Variants in JARID2 observed in about 807,000 individuals in gnomAD.
JARID2 encodes the protein protein Jumonji.
In JARID2, 21 loss-of-function variants were observed where a neutral mutation model predicts 125.6. The ratio of observed to expected loss-of-function variants is 0.17; its 90% CI spans 0.12 to 0.24. The LOEUF is 0.24. JARID2 is among the 10% of genes least tolerant of loss of function. The pLI is 1.00. For missense variants in JARID2, 1,303 were observed against 1,639.6 expected (o/e 0.79, Z 3.55); for synonymous variants, 736 against 661.6 (o/e 1.11, Z -1.73).
chr6:15,423,481 T>G (rs1279344142), intron 3 of JARID2, among the ~76,000 whole-genome samples: 1 of 152,176 alleles, frequency 6.6e-6, no homozygotes, highest in Non-Finnish European at 1.5e-5. Flanking sequence ...TGTGGTTTGT[T>G]GGTGTAACAC....
chr6:15,439,480 G>A (rs1197364963), intron 3 of JARID2, among the ~76,000 whole-genome samples: 2 of 152,200 alleles, frequency 1.3e-5, no homozygotes, highest in African/African-American at 4.8e-5. Context: ...CGATGGATAT[G>A]TGGCTGCAGC....
chr6:15,450,037 TA>T (rs35612778), intron 3 of JARID2, among the ~76,000 whole-genome samples: 61,088 of 151,930 alleles, frequency 0.4, 12,496 homozygotes, highest in South Asian at 0.48. Context: ...TTAAATAGTA[TA>T]ATTTTTTTTT....
chr6:15,320,697 A>G lies in JARID2; in HGVS notation c.46-53420A>G, dbSNP rs78019862. ...GTAGCTAGATTAGATGTTATTCAGAAAGGATAATATAGGAAATAATTACTG... is the reference window on the plus strand; with the variant it reads ...GTAGCTAGATTAGATGTTATTCAGAGAGGATAATATAGGAAATAATTACTG... On this transcript the variant is annotated intron_variant, in intron 1 of 17. Coordinates refer to ENST00000341776, the MANE Select transcript of JARID2 (RefSeq NM_004973.4). 8.6e-3 allele frequency among the ~76,000 whole-genome samples: 1,311 copies of G among 152,328 alleles called. 42 individuals are homozygous for G. Among genetic ancestry groups the G allele is most frequent in the South Asian group, 0.08 (388 of 4,822 alleles).
chr6:15,247,533 C>CTT (rs67284836), intron 1 of JARID2: 50,047 of 720,056 alleles, frequency 0.07, 343 homozygotes, highest in African/African-American at 0.1. Flanking sequence ...TTAAATAACT[C>CTT]TTTTTTTTTT....
chr6:15,300,722 T>TGAGAGAGAGAGAGAGAGAGAGAGA (rs57766040), intron 1 of JARID2, among the ~76,000 whole-genome samples: 7 of 111,118 alleles, frequency 6.3e-5, no homozygotes, highest in Non-Finnish European at 1.1e-4. Flanking sequence ...TGTGTGTGTG[T>TGAGAGAGAGAGAGAGAGAGAGAGA]GAGAGAGAGA....
chr6:15,502,892 G>A (rs1581655314), intron 8 of JARID2, among the ~76,000 whole-genome samples: 1 of 152,334 alleles, frequency 6.6e-6, no homozygotes, highest in Non-Finnish European at 1.5e-5. Flanking sequence ...TTTATTTGGT[G>A]TTTCCTGAAT....
intron 1 of JARID2, among the ~76,000 whole-genome samples, chr6:15,250,835 C>T (rs1759417762): frequency 6.6e-6 from 1 of 152,002 alleles, no homozygotes; most frequent in South Asian, 2.1e-4. Context: ...TTAATATATA[C>T]CGTACTCCAA....
At chr6:15,481,941 T>A (rs1769638688) in intron 5 of JARID2, among the ~76,000 whole-genome samples, 1 of 152,228 alleles carries the variant, frequency 6.6e-6, no homozygotes, top group Non-Finnish European at 1.5e-5. Context: ...CGTTTCCCCT[T>A]TCCTATAATC....
chr6:15,342,125 A>G lies in JARID2; in HGVS notation c.46-31992A>G, dbSNP rs116697941. 4.7e-3 allele frequency among the ~76,000 whole-genome samples: 722 copies of G among 152,278 alleles called. 5 individuals are homozygous for G. The highest frequency in any genetic ancestry group is 0.017 in the African/African-American group (687 of 41,546). On this transcript the variant is annotated intron_variant, in intron 1 of 17. Coordinates refer to ENST00000341776, the MANE Select transcript of JARID2 (RefSeq NM_004973.4). ...AACATCGAGAAACAAAACAGAAACA[A>G]TCCCCGGAGCAGCATTGCACATGCT...
chr6:15,360,594 TCACC>T (rs1295066527), intron 1 of JARID2, among the ~76,000 whole-genome samples: 1 of 152,164 alleles, frequency 6.6e-6, no homozygotes, highest in Non-Finnish European at 1.5e-5. Context: ...AGCGATCTTC[TCACC>T]TCAGCCTCTT....
At chr6:15,479,100 G>A (rs1462367444) in intron 5 of JARID2, among the ~76,000 whole-genome samples, 1 of 152,280 alleles carries the variant, frequency 6.6e-6, no homozygotes, top group Non-Finnish European at 1.5e-5. Flanking sequence ...GATAAAGCAC[G>A]AGAGCCTTGC....
At chr6:15,366,054 G>C (rs375400008) in intron 1 of JARID2, among the ~76,000 whole-genome samples, 1 of 151,996 alleles carries the variant, frequency 6.6e-6, no homozygotes, top group East Asian at 1.9e-4. Context: ...CCCCATTTTT[G>C]TTTACACTTA....
In JARID2 at chr6:15,511,429, C is replaced by T. The variant is rs201644571; in HGVS notation, c.2952+28C>T. 3.7e-5 allele frequency: 56 copies of T among 1,509,662 alleles called. No homozygotes were observed. The Admixed American group carries it at 5.5e-4, about 15-fold the overall frequency. 93.5% of individuals were successfully genotyped at this position (1,509,662 alleles called of 1,614,324 possible). A position where few individuals can be genotyped will look rare whatever the true frequency, so the allele number is the denominator to read the frequency against. ...GCGTCCACTCAGCCACCGCCTCCAGCAGGAGCTGTAGGACCTCCTAGGCAC... is the reference window on the plus strand; with the variant it reads ...GCGTCCACTCAGCCACCGCCTCCAGTAGGAGCTGTAGGACCTCCTAGGCAC... On this transcript the variant is annotated intron_variant, in intron 13 of 17. Transcript: ENST00000341776.
chr6:15,398,724 C>A (rs1018372122), intron 2 of JARID2, among the ~76,000 whole-genome samples: 1 of 152,138 alleles, frequency 6.6e-6, no homozygotes, highest in Admixed American at 6.6e-5. Context: ...CTTTAATTGA[C>A]TAGAATAGGA....
chr6:15,440,819 T>C (rs1767414084), intron 3 of JARID2, among the ~76,000 whole-genome samples: 1 of 152,258 alleles, frequency 6.6e-6, no homozygotes, highest in Non-Finnish European at 1.5e-5. Flanking sequence ...GTTCATTAGC[T>C]ATTAGCAGAT....
intron 7 of JARID2, among the ~76,000 whole-genome samples, chr6:15,500,108 G>A (rs759653467): frequency 5.9e-5 from 9 of 152,130 alleles, no homozygotes; most frequent in Non-Finnish European, 1.3e-4. Flanking sequence ...TTGGCCCGAG[G>A]GAGGTTGCTT....
chr6:15,307,926 T>C (rs1441274110), intron 1 of JARID2, among the ~76,000 whole-genome samples: 2 of 152,222 alleles, frequency 1.3e-5, no homozygotes, highest in Non-Finnish European at 2.9e-5. Flanking sequence ...TTAATGATTT[T>C]CTCAGGAGCC....
chr6:15,431,572 T>C (rs557161286), intron 3 of JARID2, among the ~76,000 whole-genome samples: 2 of 152,358 alleles, frequency 1.3e-5, no homozygotes, highest in South Asian at 4.1e-4. Context: ...TCTTTACATA[T>C]TATTCACATT....
chr6:15,490,199 C>T (rs1402300730), intron 6 of JARID2, among the ~76,000 whole-genome samples: 1 of 152,168 alleles, frequency 6.6e-6, no homozygotes, highest in East Asian at 1.9e-4. Flanking sequence ...ATCTTTTCAA[C>T]TGCATGAAAG....
Sources: allele counts gnomAD v4.1 joint callset (sites outside exome capture counted in the v4.1 genomes callset), GRCh38; gene constraint gnomAD v4.1.1; transcripts MANE v1.5; gene names NCBI Gene and HGNC (gene_info 2026-07-23, HGNC 2026-07-21).